ZNF385D: variants seen among roughly 807,000 people sequenced by gnomAD.
ZNF385D encodes zinc finger protein 385D, also known as zinc finger protein 659.
In ZNF385D, 15 loss-of-function variants were observed where a neutral mutation model predicts 35.8. The ratio of observed to expected loss-of-function variants is 0.42; its 90% CI spans 0.28 to 0.64. The LOEUF (loss-of-function observed/expected upper bound fraction) is 0.64, where lower values mean the gene tolerates loss of function less well. Ranked by LOEUF, ZNF385D falls within the 30% of genes least tolerant of loss-of-function variation. The probability of loss-of-function intolerance (pLI) is 0.23; values close to 1 mark genes in which losing one functional copy is unlikely to be tolerated. For missense variants in ZNF385D, 474 were observed against 494.6 expected (o/e 0.96, Z 0.39); for synonymous variants, 212 against 186.8 (o/e 1.13, Z -1.10).
At chr3:21,585,999 T>C (rs1417690949) in intron 2 of ZNF385D, among the ~76,000 whole-genome samples, 1 of 150,442 alleles carries the variant, frequency 6.6e-6, no homozygotes, top group Non-Finnish European at 1.5e-5. Context: ...CAAGACCCCA[T>C]CTCTACAAAA....
At chr3:21,932,059 C>G (rs778229465) in intron 3 of ZNF385D, among the ~76,000 whole-genome samples, 15 of 148,876 alleles carry the variant, frequency 1.0e-4, no homozygotes, top group Non-Finnish European at 2.1e-4. Flanking sequence ...CCCAGCTACT[C>G]GGGAGGCTGA....
intron 3 of ZNF385D, among the ~76,000 whole-genome samples, chr3:21,932,571 T>C (rs1008360874): frequency 1.3e-5 from 2 of 152,074 alleles, no homozygotes; most frequent in African/African-American, 2.4e-5. Context: ...TTTATGTGGC[T>C]GATTACGTGG....
chr3:22,228,471 G>A (rs898230127), intron 2 of ZNF385D, among the ~76,000 whole-genome samples: 5 of 152,186 alleles, frequency 3.3e-5, no homozygotes, highest in South Asian at 2.1e-4. Flanking sequence ...TTTGGCTCCT[G>A]TGGATGGATA....
intron 2 of ZNF385D, among the ~76,000 whole-genome samples, chr3:22,352,682 A>G (rs1280714560): frequency 6.6e-6 from 1 of 152,192 alleles, no homozygotes. Context: ...TTCACCAAGC[A>G]ATTCCAAATT....
At chr3:22,131,581 G>A (rs1375212981) in intron 3 of ZNF385D, among the ~76,000 whole-genome samples, 1 of 152,062 alleles carries the variant, frequency 6.6e-6, no homozygotes, top group Non-Finnish European at 1.5e-5. Context: ...GTTACAGGAT[G>A]GAATGGGACT....
chr3:21,563,099 G>A (rs1355907694), intron 3 of ZNF385D, among the ~76,000 whole-genome samples: 2 of 152,184 alleles, frequency 1.3e-5, no homozygotes, highest in African/African-American at 2.4e-5. Flanking sequence ...GATGGTAGTA[G>A]CAGGTGGAAC....
At chr3:22,142,376 T>C (rs1203521371) in intron 3 of ZNF385D, among the ~76,000 whole-genome samples, 2 of 152,224 alleles carry the variant, frequency 1.3e-5, no homozygotes, top group African/African-American at 4.8e-5. Flanking sequence ...GCTCTTTTCC[T>C]TATGGTTTGA....
At chr3:22,286,256 A>C (rs1394613573) in intron 2 of ZNF385D, among the ~76,000 whole-genome samples, 1 of 152,128 alleles carries the variant, frequency 6.6e-6, no homozygotes, top group Non-Finnish European at 1.5e-5. Flanking sequence ...TGATGTACTA[A>C]TATCCGCGCC....
At chr3:22,230,509 C>T (rs1457945476) in intron 2 of ZNF385D, among the ~76,000 whole-genome samples, 3 of 152,126 alleles carry the variant, frequency 2.0e-5, no homozygotes, top group African/African-American at 4.8e-5. Flanking sequence ...CCAAGGTCAT[C>T]AGACACCCCT....
intron 2 of ZNF385D, among the ~76,000 whole-genome samples, chr3:21,604,179 T>G (rs2064405228): frequency 6.6e-6 from 1 of 152,120 alleles, no homozygotes; most frequent in African/African-American, 2.4e-5. Flanking sequence ...CTAATAAAGA[T>G]AATACCAATA....
chr3:22,296,578 T>C (rs1476050763), intron 2 of ZNF385D, among the ~76,000 whole-genome samples: 1 of 152,074 alleles, frequency 6.6e-6, no homozygotes, highest in African/African-American at 2.4e-5. Context: ...GGAAACTGAA[T>C]TGTACAAAGA....
intron 1 of ZNF385D, among the ~76,000 whole-genome samples, chr3:21,675,969 T>C (rs1052022586): frequency 1.3e-5 from 2 of 152,126 alleles, no homozygotes; most frequent in African/African-American, 4.8e-5. Context: ...TTCACTTGAT[T>C]GTGAATGTTT....
intron 2 of ZNF385D, among the ~76,000 whole-genome samples, chr3:21,663,834 G>A (rs2066307565): frequency 7.1e-6 from 1 of 141,322 alleles, no homozygotes; most frequent in African/African-American, 2.6e-5. Context: ...ACAAAGTACT[G>A]TTAAGGAAAA....
At chr3:22,219,017 G>A (rs1352985116) in intron 2 of ZNF385D, among the ~76,000 whole-genome samples, 3 of 151,982 alleles carry the variant, frequency 2.0e-5, no homozygotes, top group South Asian at 4.2e-4. Context: ...CTCTTTTTAT[G>A]GGCATTTCAA....
intron 3 of ZNF385D, among the ~76,000 whole-genome samples, chr3:21,990,677 T>C (rs1397336277): frequency 6.6e-6 from 1 of 152,228 alleles, no homozygotes; most frequent in East Asian, 1.9e-4. Flanking sequence ...TTAACTCTAA[T>C]TTAGTTACAG....
intron 3 of ZNF385D, among the ~76,000 whole-genome samples, chr3:22,110,042 C>T (rs1702429919): frequency 6.6e-6 from 1 of 152,100 alleles, no homozygotes; most frequent in South Asian, 2.1e-4. Flanking sequence ...AAAAAATGCT[C>T]ATCATCACTG....
At chr3:22,255,699 C>T (rs992103067) in intron 2 of ZNF385D, among the ~76,000 whole-genome samples, 3 of 151,276 alleles carry the variant, frequency 2.0e-5, no homozygotes, top group African/African-American at 7.3e-5. Flanking sequence ...TTCATATGTA[C>T]TTTTGTGAGA....
chr3:21,688,318 T>G (rs2067174756), intron 1 of ZNF385D, among the ~76,000 whole-genome samples: 1 of 152,164 alleles, frequency 6.6e-6, no homozygotes, highest in African/African-American at 2.4e-5. Flanking sequence ...ATAACTAGTT[T>G]AAACAATGCC....
chr3:22,158,650 T>C (rs1348237757), intron 3 of ZNF385D, among the ~76,000 whole-genome samples: 3 of 151,760 alleles, frequency 2.0e-5, no homozygotes, highest in Non-Finnish European at 2.9e-5. Context: ...GTGAATTGAA[T>C]CTGTAATACC....
Sources: allele counts gnomAD v4.1 joint callset (sites outside exome capture counted in the v4.1 genomes callset), GRCh38; gene constraint gnomAD v4.1.1; transcripts MANE v1.5; gene names NCBI Gene and HGNC (gene_info 2026-07-23, HGNC 2026-07-21).